SLC35E2B: variants seen among roughly 807,000 people sequenced by gnomAD.
SLC35E2B encodes the protein solute carrier family 35, member E2B.
In SLC35E2B, 18 loss-of-function variants were observed where a neutral mutation model predicts 32.4. The observed-to-expected ratio is 0.56, with a 90% CI of 0.38 to 0.82. SLC35E2B has a LOEUF of 0.82. Ranked by LOEUF, SLC35E2B falls within the 40% of genes least tolerant of loss-of-function variation. SLC35E2B has a pLI of 0.00. For synonymous variants in SLC35E2B, 132 were observed against 209.1 expected (o/e 0.63, Z 3.18); for missense variants, 263 against 469.5 (o/e 0.56, Z 4.06).
At position 1,685,320 on chromosome 1, in the gene SLC35E2B, G is replaced by C. The variant is rs1286246751; in HGVS notation, c.-148+5656C>G. On this transcript the variant is annotated intron_variant, in intron 2 of 9. Transcript: ENST00000617444. Reference sequence around the variant, plus strand: ...GTGCGCCTGTGTGCCCAGCTGAGGTGGGGGGACTGCTTGAGTCTGGGAGGA... The same window carrying C: ...GTGCGCCTGTGTGCCCAGCTGAGGTCGGGGGACTGCTTGAGTCTGGGAGGA... Among the ~76,000 whole-genome samples the C allele has an allele frequency of 5.3e-5, 8 of 151,060 alleles. No individual in the cohort carries two copies. The East Asian group carries it at 1.4e-3, about 26-fold the overall frequency.
intron 2 of SLC35E2B, among the ~76,000 whole-genome samples, chr1:1,684,619 G>A (rs28464677): frequency 0.43 from 64,835 of 151,428 alleles, 14,186 homozygotes; most frequent in East Asian, 0.54. Flanking sequence ...GTGAAACCCC[G>A]TCTCCACTAA....
chr1:1,682,775 C>T (rs186579984), intron 2 of SLC35E2B, among the ~76,000 whole-genome samples: 81 of 152,100 alleles, frequency 5.3e-4, no homozygotes, highest in African/African-American at 1.9e-3. Flanking sequence ...CTAAGTAGTT[C>T]CGAGAGTTCA....
chr1:1,681,158 G>C (rs1224032209), intron 2 of SLC35E2B, among the ~76,000 whole-genome samples: 1 of 152,032 alleles, frequency 6.6e-6, no homozygotes, highest in Non-Finnish European at 1.5e-5. Flanking sequence ...AATGCAAACA[G>C]ATTCCGGCCT....
Position 1,671,495 on chromosome 1 carries a change from T to C in SLC35E2B, c.707+14A>G. The C allele has an allele frequency of 6.7e-7, 1 of 1,487,422 alleles. No homozygotes were observed. The highest frequency in any genetic ancestry group is 9.0e-7 in the Non-Finnish European group (1 of 1,111,094). The allele number at this position is 1,487,422 out of a possible 1,614,324, so 92.1% of individuals were successfully genotyped here. Reference sequence around the variant, plus strand: ...GGTCTCGTCCCCCTCACGCCCACCTTCTCTGTGACTCACCAGTCCATGATG... The same window carrying C: ...GGTCTCGTCCCCCTCACGCCCACCTCCTCTGTGACTCACCAGTCCATGATG... On this transcript the variant is annotated intron_variant, in intron 6 of 9. Transcript: ENST00000617444.
chr1:1,671,698 GT>G, intron 5 of SLC35E2B, 69 bp from the exon 6 acceptor site: 1 of 1,387,656 alleles, frequency 7.2e-7, no homozygotes, highest in Non-Finnish European at 9.5e-7. Context: ...GGGCCAGGCT[GT>G]TTCCATCCCC....
chr1:1,687,135 T>G (rs1418843563), intron 2 of SLC35E2B, among the ~76,000 whole-genome samples: 1 of 152,200 alleles, frequency 6.6e-6, no homozygotes, highest in African/African-American at 2.4e-5. Flanking sequence ...GTGAGGGTGC[T>G]GTCGGGCCCG....
At chr1:1,671,370 C>T in intron 6 of SLC35E2B, 139 bp downstream of exon 6, 2 of 994,812 alleles carry the variant, frequency 2.0e-6, no homozygotes, top group East Asian at 3.3e-5. Context: ...TGTTGTTTTG[C>T]TCTTTAGGAA....
chr1:1,677,330 G>C (rs1406773376), intron 2 of SLC35E2B, among the ~76,000 whole-genome samples: 1 of 150,414 alleles, frequency 6.6e-6, no homozygotes. Context: ...GCTCTTGAGA[G>C]ACGGTCTCCT....
At chr1:1,680,641 GTCTCCAT>G (rs1326546257) in intron 2 of SLC35E2B, among the ~76,000 whole-genome samples, 1 of 151,998 alleles carries the variant, frequency 6.6e-6, no homozygotes, top group Non-Finnish European at 1.5e-5. Context: ...TGGTCCCGGG[GTCTCCAT>G]TCCCCTCCCA....
At chr1:1,666,180 G>T (rs1369369698) in intron 9 of SLC35E2B, among the ~76,000 whole-genome samples, 161 bp from the exon 10 acceptor site, 1 of 152,100 alleles carries the variant, frequency 6.6e-6, no homozygotes, top group East Asian at 1.9e-4. Context: ...CTGACCCCGG[G>T]TCTGGAGGCC....
Position 1,669,627 on chromosome 1 carries a change from G to A in SLC35E2B, c.834+37C>T, listed in dbSNP as rs369708481. On this transcript the variant is annotated intron_variant, in intron 8 of 9. Transcript: ENST00000617444. The stretch of plus-strand genomic sequence containing the variant: ...CCTGAATCACCGGAGAAGGCAGCCC[G>A]GCAAGTAAGGACGGGACGCCTGTGT... 6.4e-5 allele frequency: 95 copies of A among 1,493,994 alleles called. 1 individual carries two copies. The highest frequency in any genetic ancestry group is 5.9e-4 in the African/African-American group (42 of 71,548). The allele number at this position is 1,493,994 out of a possible 1,614,324, so 92.5% of individuals were successfully genotyped here. A position where few individuals can be genotyped will look rare whatever the true frequency, so the allele number is the denominator to read the frequency against.
At chr1:1,669,010 TA>T (rs1489506220) in intron 8 of SLC35E2B, among the ~76,000 whole-genome samples, 1 of 150,488 alleles carries the variant, frequency 6.6e-6, no homozygotes, top group Non-Finnish European at 1.5e-5. Context: ...AAAAAAAAAT[TA>T]AATATAGAAT....
chr1:1,673,578 G>T (rs1570323510), intron 5 of SLC35E2B, among the ~76,000 whole-genome samples: 1 of 152,296 alleles, frequency 6.6e-6, no homozygotes, highest in Admixed American at 6.5e-5. Flanking sequence ...GCCGAAGCAG[G>T]AGAATCACTT....
In SLC35E2B at chr1:1,667,102, T is replaced by C. The variant is rs1570310115; in HGVS notation, c.981-1083A>G. Among the ~76,000 whole-genome samples, 15 of 10,886 alleles carry C rather than the reference T, an allele frequency of 1.4e-3. 2 individuals are homozygous for C. Among genetic ancestry groups the C allele is most frequent in the Admixed American group, 3.3e-3 (3 of 916 alleles). The allele number at this position is 10,886 out of a possible 152,430, so 7.1% of individuals were successfully genotyped here. On this transcript the variant is annotated intron_variant, in intron 9 of 9. Transcript: ENST00000617444. ...CTCTGGGTGACAGAGCAAGACTCTG[T>C]TTCGGGAAAAATAAAATACATAGGC...
At chr1:1,683,769 A>G (rs1466945506) in intron 2 of SLC35E2B, among the ~76,000 whole-genome samples, 3 of 151,976 alleles carry the variant, frequency 2.0e-5, no homozygotes, top group African/African-American at 4.8e-5. Flanking sequence ...TGTGATCAGC[A>G]TAAGCTCCGG....
chr1:1,663,935 A>C lies in SLC35E2B; in HGVS notation c.*1847T>G, dbSNP rs1643473653. On this transcript the variant is annotated 3_prime_UTR_variant, in exon 10 of 10. Transcript: ENST00000617444. ...AGCAGGTGTAGTAGCCCACGCCTATATTCTCGACACTACAGGAGGCTGAGT... is the reference window on the plus strand; with the variant it reads ...AGCAGGTGTAGTAGCCCACGCCTATCTTCTCGACACTACAGGAGGCTGAGT... The C allele has an allele frequency of 1.8e-6, 1 of 568,704 alleles. No homozygotes were observed. Among genetic ancestry groups the C allele is most frequent in the Admixed American group, 6.7e-5 (1 of 14,998 alleles). 35.2% of individuals were successfully genotyped at this position (568,704 alleles called of 1,614,324 possible). A position where few individuals can be genotyped will look rare whatever the true frequency, so the allele number is the denominator to read the frequency against.
At chr1:1,673,443 G>A in intron 5 of SLC35E2B, 1 of 300,704 alleles carries the variant, frequency 3.3e-6, no homozygotes, top group Non-Finnish European at 6.7e-6. Flanking sequence ...GCTGAGGCGG[G>A]CAGATCACGA....
intron 5 of SLC35E2B, among the ~76,000 whole-genome samples, chr1:1,673,706 T>A (rs1643764684): frequency 7.2e-6 from 1 of 138,504 alleles, no homozygotes; most frequent in Admixed American, 7.3e-5. Flanking sequence ...CTAACACCTG[T>A]AATCCCAGCA....
chr1:1,678,211 A>G (rs1250136273), intron 2 of SLC35E2B, among the ~76,000 whole-genome samples: 6 of 151,878 alleles, frequency 4.0e-5, no homozygotes, highest in African/African-American at 4.8e-5. Flanking sequence ...GTTTATGTTT[A>G]TGCACTTGCG....
Sources: gnomAD v4.1 joint callset for allele counts (sites outside exome capture counted in the v4.1 genomes callset) on GRCh38, gnomAD v4.1.1 for gene constraint, MANE v1.5 for transcripts, NCBI Gene and HGNC (gene_info 2026-07-23, HGNC 2026-07-21) for gene names.